Variants in PPP1R9A observed in about 807,000 individuals in gnomAD.
PPP1R9A encodes neurabin-1.
PPP1R9A carries 59 observed loss-of-function variants against 141.9 expected under a neutral mutation model. The ratio of observed to expected loss-of-function variants is 0.42; its 90% CI spans 0.34 to 0.52. The LOEUF (loss-of-function observed/expected upper bound fraction) is 0.52, where lower values mean the gene tolerates loss of function less well. Ranked by LOEUF, PPP1R9A falls within the 20% of genes least tolerant of loss-of-function variation. The pLI is 0.10. For missense variants in PPP1R9A, 1,444 were observed against 1,611.9 expected (o/e 0.90, Z 1.78); for synonymous variants, 500 against 569.7 (o/e 0.88, Z 1.74).
intron 2 of PPP1R9A, among the ~76,000 whole-genome samples, chr7:95,040,886 T>C (rs1449792884): frequency 6.6e-6 from 1 of 152,204 alleles, no homozygotes; most frequent in African/African-American, 2.4e-5. Context: ...CTCTCCCTGC[T>C]GAAAATCCTC....
chr7:95,026,636 C>A (rs1806882669), intron 2 of PPP1R9A, among the ~76,000 whole-genome samples: 1 of 152,172 alleles, frequency 6.6e-6, no homozygotes, highest in Non-Finnish European at 1.5e-5. Context: ...CTGCTCTCTT[C>A]AGAGCTGGCA....
At chr7:95,268,221 G>A (rs1217095501) in intron 12 of PPP1R9A, among the ~76,000 whole-genome samples, 2 of 152,028 alleles carry the variant, frequency 1.3e-5, no homozygotes, top group Non-Finnish European at 2.9e-5. Context: ...TATATCTTTG[G>A]TCATCTAACT....
intron 4 of PPP1R9A, among the ~76,000 whole-genome samples, chr7:95,132,029 T>C (rs1292865572): frequency 6.6e-6 from 1 of 152,206 alleles, no homozygotes; most frequent in Non-Finnish European, 1.5e-5. Context: ...CTGATTTTTG[T>C]GCATTGATTT....
At chr7:95,276,345 G>A (rs1045717134) in intron 16 of PPP1R9A, among the ~76,000 whole-genome samples, 7 of 152,210 alleles carry the variant, frequency 4.6e-5, no homozygotes, top group Non-Finnish European at 8.8e-5. Flanking sequence ...TCTTGATTGT[G>A]TTGGTGAGTG....
At chr7:95,055,520 C>CATGTTTGTT (rs1811388609) in intron 2 of PPP1R9A, among the ~76,000 whole-genome samples, 1 of 152,106 alleles carries the variant, frequency 6.6e-6, no homozygotes, top group African/African-American at 2.4e-5. Flanking sequence ...AAACATTTAA[C>CATGTTTGTT]ATGTTTGTTT....
intron 4 of PPP1R9A, among the ~76,000 whole-genome samples, chr7:95,126,472 A>C (rs1331741573): frequency 2.0e-5 from 3 of 152,194 alleles, no homozygotes; most frequent in African/African-American, 4.8e-5. Flanking sequence ...AAGCACATGG[A>C]AACTATTGAG....
chr7:95,067,409 T>C (rs1033698722), intron 2 of PPP1R9A, among the ~76,000 whole-genome samples: 2 of 152,218 alleles, frequency 1.3e-5, no homozygotes, highest in Non-Finnish European at 2.9e-5. Context: ...TAATATATTA[T>C]CTGAGGCGAT....
chr7:95,146,552 T>C (rs1028559467), intron 4 of PPP1R9A, among the ~76,000 whole-genome samples: 3 of 152,218 alleles, frequency 2.0e-5, no homozygotes, highest in African/African-American at 7.2e-5. Flanking sequence ...TTTGGTGTTT[T>C]AGTCATGAAG....
intron 2 of PPP1R9A, among the ~76,000 whole-genome samples, chr7:94,995,144 T>G (rs1802018206): frequency 6.6e-6 from 1 of 152,160 alleles, no homozygotes; most frequent in Non-Finnish European, 1.5e-5. Flanking sequence ...TTTCATTACT[T>G]TAAAGAAGTT....
At chr7:94,963,389 A>C (rs1797851863) in intron 2 of PPP1R9A, among the ~76,000 whole-genome samples, 1 of 152,150 alleles carries the variant, frequency 6.6e-6, no homozygotes. Context: ...CATACCATAA[A>C]ATTTTTAGTA....
At chr7:95,106,116 TA>T (rs1236165272) in intron 2 of PPP1R9A, among the ~76,000 whole-genome samples, 5 of 152,004 alleles carry the variant, frequency 3.3e-5, no homozygotes, top group African/African-American at 1.2e-4. Flanking sequence ...AAATTTAATT[TA>T]AAAAAAGAGA....
intron 2 of PPP1R9A, among the ~76,000 whole-genome samples, chr7:95,022,319 T>A (rs560588561): frequency 6.6e-6 from 1 of 152,318 alleles, no homozygotes; most frequent in South Asian, 2.1e-4. Context: ...GCAACTTGAT[T>A]TTTTTATCCT....
chr7:95,079,473 G>C lies in PPP1R9A; in HGVS notation c.1396-31786G>C, dbSNP rs556870115. 5.3e-3 allele frequency among the ~76,000 whole-genome samples: 799 copies of C among 151,894 alleles called. 8 individuals are homozygous for C. Among genetic ancestry groups the C allele is most frequent in the African/African-American group, 0.018 (747 of 41,412 alleles). ...TAGCTTACCAACCAAAAAGAGTCCA[G>C]GACCAGATGGATTCACAGCCGAATT... is the stretch of plus-strand genomic sequence containing the variant. On this transcript the variant is annotated intron_variant, in intron 2 of 19. Transcript: ENST00000433360.
chr7:95,157,202 C>A (rs539759663), intron 4 of PPP1R9A, among the ~76,000 whole-genome samples: 2 of 152,102 alleles, frequency 1.3e-5, no homozygotes, highest in Non-Finnish European at 2.9e-5. Context: ...AGCCAAGCAG[C>A]GGGAGCAGGC....
At chr7:95,028,909 T>G (rs911188258) in intron 2 of PPP1R9A, among the ~76,000 whole-genome samples, 8 of 152,194 alleles carry the variant, frequency 5.3e-5, no homozygotes, top group Admixed American at 5.2e-4. Context: ...TTAGACCTGC[T>G]TGGACAAACA....
intron 2 of PPP1R9A, among the ~76,000 whole-genome samples, chr7:94,969,311 C>T (rs759204949): frequency 6.6e-6 from 1 of 151,958 alleles, no homozygotes; most frequent in Non-Finnish European, 1.5e-5. Context: ...TCATGTTGAC[C>T]TTTGGATGGG....
At chr7:95,287,339 T>C (rs1291856005) in intron 18 of PPP1R9A, among the ~76,000 whole-genome samples, 2 of 152,190 alleles carry the variant, frequency 1.3e-5, no homozygotes, top group Non-Finnish European at 2.9e-5. Context: ...ATCTCCGCAT[T>C]GCACCTCCAG....
chr7:95,266,308 T>A (rs1801273298), intron 12 of PPP1R9A, among the ~76,000 whole-genome samples: 1 of 149,450 alleles, frequency 6.7e-6, no homozygotes, highest in Non-Finnish European at 1.5e-5. Flanking sequence ...TAATTTATTC[T>A]ATACTTTTCA....
At chr7:95,128,199 A>G (rs1355766954) in intron 4 of PPP1R9A, among the ~76,000 whole-genome samples, 1 of 152,170 alleles carries the variant, frequency 6.6e-6, no homozygotes, top group African/African-American at 2.4e-5. Context: ...TTTTAATAAT[A>G]GCCATACTGA....
Sources: gnomAD v4.1 joint callset for allele counts (sites outside exome capture counted in the v4.1 genomes callset) on GRCh38, gnomAD v4.1.1 for gene constraint, MANE v1.5 for transcripts, NCBI Gene and HGNC (gene_info 2026-07-23, HGNC 2026-07-21) for gene names.